SEMA4A: variants seen among roughly 807,000 people sequenced by gnomAD.
The protein encoded by SEMA4A is semaphorin-4A.
In SEMA4A, 52 loss-of-function variants were observed where a neutral mutation model predicts 72.5. The observed-to-expected ratio is 0.72, with a 90% CI of 0.57 to 0.90. The LOEUF (loss-of-function observed/expected upper bound fraction) is 0.90. Among genes scored for constraint, SEMA4A ranks in the 40% least tolerant of loss-of-function variants. The pLI, the probability that SEMA4A is intolerant of heterozygous loss-of-function variation, is 0.00. For missense variants in SEMA4A, 926 were observed against 959.7 expected (o/e 0.96, Z 0.46); for synonymous variants, 369 against 393.1 (o/e 0.94, Z 0.73).
At position 156,176,951 on chromosome 1, in the gene SEMA4A, G is replaced by A. The variant is rs767138686; in HGVS notation, c.2240G>A (p.Ser747Asn). The A allele has an allele frequency of 8.7e-6, 14 of 1,613,554 alleles. No homozygotes were observed. The East Asian group carries it at 2.9e-4, about 33-fold the overall frequency. The part of the protein sequence containing the change: ...QSPKECRTSA[S>N]DVDADNNCLG... ...CCCAAGGAATGCAGGACCTCTGCCAGTGATGTGGACGCTGACAACAACTGC... is the reference window on the plus strand; with the variant it reads ...CCCAAGGAATGCAGGACCTCTGCCAATGATGTGGACGCTGACAACAACTGC... Residue 747 changes from serine (S) to asparagine (N), a missense_variant, in exon 15 of 15, where the codon AGT (serine) becomes AAT (asparagine). Physicochemically the swap from Ser to Asn is conservative, Grantham distance 46 (BLOSUM62 1). Coordinates refer to ENST00000368285, the MANE Select transcript of SEMA4A (RefSeq NM_022367.4).
chr1:156,167,475 C>CA lies in SEMA4A; in HGVS notation c.1134+4401dup, dbSNP rs58793729. On this transcript the variant is annotated intron_variant, in intron 10 of 14. Transcript: ENST00000368285. ...TGGGCAACAGAGTGAGACCCTGTCT[C>CA]AAAAAAAAAAAAAAAAAAAAGAAAG... is the stretch of plus-strand genomic sequence containing the variant. Among the ~76,000 whole-genome samples the CA allele has an allele frequency of 7.2e-3, 741 of 103,430 alleles. 4 individuals are homozygous for CA. The highest frequency in any genetic ancestry group is 0.018 in the African/African-American group (501 of 28,168). 67.9% of individuals were successfully genotyped at this position (103,430 alleles called of 152,430 possible).
chr1:156,160,825 C>T, intron 7 of SEMA4A, 80 bp from the exon 8 acceptor site: 1 of 1,605,548 alleles, frequency 6.2e-7, no homozygotes, highest in Non-Finnish European at 8.5e-7. Context: ...GCCTCCAGGG[C>T]CAAACCAACG....
chr1:156,167,461 G>A (rs1455398827), intron 10 of SEMA4A, among the ~76,000 whole-genome samples: 1 of 130,174 alleles, frequency 7.7e-6, no homozygotes, highest in African/African-American at 3.0e-5. Flanking sequence ...GGGCAACAGA[G>A]TGAGACCCTG....
chr1:156,154,331 TA>T, intron 1 of SEMA4A: 1 of 578,462 alleles, frequency 1.7e-6, no homozygotes, highest in East Asian at 2.9e-5. Flanking sequence ...CCTGGGCTCC[TA>T]CCCATAGGGG....
In SEMA4A at chr1:156,176,888, A is replaced by G. The variant is rs1288476658; in HGVS notation, c.2177A>G (p.Glu726Gly). 4 of 1,614,082 alleles carry G rather than the reference A, an allele frequency of 2.5e-6. No individual in the cohort carries two copies. Among genetic ancestry groups the G allele is most frequent in the Non-Finnish European group, 3.4e-6 (4 of 1,180,024 alleles). ...GGCTGTGAGACCCTGCGCCCTGGGG[A>G]GAAGGCCCCGTTAAGCAGAGAGCAA... ...VQGCETLRPG[E>G]KAPLSREQHL... The change falls in exon 15 of 15, where the codon GAG becomes GGG. Residue 726 changes from glutamate (E) to glycine (G), a missense_variant. Transcript: ENST00000368285.
In SEMA4A at chr1:156,176,435, T is replaced by C. The variant is rs1655336861; in HGVS notation, c.1724T>C (p.Ile575Thr). ...GAAGTCCTGGCTGTCCCCAACTCCA[T>C]CCTGGAGCTCCCCTGCCCCCACCTG... ...IKEVLAVPNS[I>T]LELPCPHLSA... Residue 575 changes from isoleucine (I) to threonine (T), a missense_variant, in exon 15 of 15, where the codon ATC (isoleucine) becomes ACC (threonine). Transcript: ENST00000368285. The C allele has an allele frequency of 6.2e-7, 1 of 1,614,124 alleles. No homozygotes were observed. The highest frequency in any genetic ancestry group is 1.7e-5 in the Admixed American group (1 of 60,018).
chr1:156,156,550 A>T lies in SEMA4A; in HGVS notation c.276A>T (p.Pro92=). The change falls in exon 3 of 15, where the codon CCA becomes CCT. Residue 92 remains proline, a synonymous_variant. Transcript: ENST00000368285. ...EAILALDIQD[P]GVPRLKNMIP... is the part of the protein sequence containing the mutation. ...TTCTGGCCTTGGATATCCAGGATCC[A>T]GGGGTCCCCAGGCTAAAGAACATGG... 1 of 1,613,976 alleles carries T rather than the reference A, an allele frequency of 6.2e-7. No homozygotes were observed. The highest frequency in any genetic ancestry group is 8.5e-7 in the Non-Finnish European group (1 of 1,179,964).
intron 11 of SEMA4A, 34 bp downstream of exon 11, chr1:156,173,040 A>G (rs1333094870): frequency 1.2e-6 from 2 of 1,603,256 alleles, no homozygotes; most frequent in African/African-American, 2.7e-5. Flanking sequence ...CCCCCAGAGG[A>G]CTAGAGCAGA....
chr1:156,156,486 G>A lies in SEMA4A; in HGVS notation c.212G>A (p.Gly71Asp), dbSNP rs774922987. 9.3e-6 allele frequency: 15 copies of A among 1,613,976 alleles called. No individual in the cohort carries two copies. The highest frequency in any genetic ancestry group is 3.3e-5 in the Admixed American group (2 of 59,986). ...LQDFDTLLLS[G>D]DGNTLYVGAR... ...GATTTTGACACTCTGCTCCTGAGTG[G>A]TGATGGAAATACTCTCTACGTGGGG... is the stretch of plus-strand genomic sequence containing the variant. Residue 71 changes from glycine (G) to aspartate (D), a missense_variant, in exon 3 of 15, where the codon GGT becomes GAT. Gly to Asp is a moderately conservative substitution (Grantham distance 94). Transcript: ENST00000368285.
intron 10 of SEMA4A, among the ~76,000 whole-genome samples, chr1:156,170,412 A>C (rs1175070020): frequency 7.0e-6 from 1 of 143,292 alleles, no homozygotes; most frequent in Non-Finnish European, 1.5e-5. Context: ...GCGGTGAGCC[A>C]AGATTGTGCC....
chr1:156,163,386 T>C (rs1270460069), intron 10 of SEMA4A: 11 of 419,714 alleles, frequency 2.6e-5, no homozygotes, highest in African/African-American at 6.0e-5. Flanking sequence ...CCAAGGACTG[T>C]CTTGGGCATT....
At chr1:156,153,451 G>T (rs1382547140), upstream of SEMA4A, 2 of 152,234 alleles carry the variant, frequency 1.3e-5, no homozygotes, top group African/African-American at 4.8e-5. Flanking sequence ...AGCAGAGGAG[G>T]GAGAGAGAGG....
At position 156,158,098 on chromosome 1, in the gene SEMA4A, A is replaced by G. The variant is rs775189265; in HGVS notation, c.329A>G (p.Lys110Arg). 2 of 1,614,178 alleles carry G rather than the reference A, an allele frequency of 1.2e-6. No individual in the cohort carries two copies. Among genetic ancestry groups the G allele is most frequent in the Non-Finnish European group, 1.7e-6 (2 of 1,180,036 alleles). Residue 110 changes from lysine to arginine, a missense_variant, in exon 4 of 15, where the codon AAG (lysine) becomes AGG (arginine). Lys to Arg is a conservative substitution (Grantham distance 26, BLOSUM62 2). Transcript: ENST00000368285. ...MIPWPASDRK[K>R]SECAFKKKSN... is the part of the protein sequence containing the mutation. ...CCGTGGCCAGCCAGTGACAGAAAAA[A>G]GAGTGAATGTGCCTTTAAGAAGAAG...
intron 1 of SEMA4A, among the ~76,000 whole-genome samples, 187 bp downstream of exon 1, chr1:156,153,951 C>G (rs1157378162): frequency 6.6e-6 from 1 of 152,168 alleles, no homozygotes; most frequent in East Asian, 1.9e-4. Context: ...CCCTCATTGC[C>G]TCCCTGGAAG....
intron 6 of SEMA4A, among the ~76,000 whole-genome samples, chr1:156,159,310 C>T (rs147112855): frequency 0.018 from 2,752 of 151,780 alleles, 82 homozygotes; most frequent in African/African-American, 0.063. Flanking sequence ...CTCCAGCCTG[C>T]GCAACAAAGC....
At chr1:156,171,593 T>C (rs1279037128) in intron 10 of SEMA4A, among the ~76,000 whole-genome samples, 3 of 152,104 alleles carry the variant, frequency 2.0e-5, no homozygotes, top group African/African-American at 7.2e-5. Context: ...AATTTCTTTT[T>C]TGAGACACAG....
At chr1:156,159,269 G>C (rs1273986612) in intron 6 of SEMA4A, among the ~76,000 whole-genome samples, 2 of 152,140 alleles carry the variant, frequency 1.3e-5, no homozygotes, top group Non-Finnish European at 2.9e-5. Flanking sequence ...AGGAGGTGGA[G>C]GTTGCAGTGA....
rs1653053290 is a variant in SEMA4A, at chr1:156,156,563, C to T, written c.289C>T (p.Leu97=). ...TATCCAGGATCCAGGGGTCCCCAGG[C>T]TAAAGAACATGGTGAGGAGTCCAGG... is the stretch of plus-strand genomic sequence containing the variant. ...LDIQDPGVPR[L]KNMIPWPASD... The change falls in exon 3 of 15, where the codon CTA becomes TTA. Residue 97 remains leucine (L), a synonymous_variant. Coordinates refer to ENST00000368285, the MANE Select transcript of SEMA4A (RefSeq NM_022367.4). The T allele has an allele frequency of 6.8e-6, 11 of 1,613,890 alleles. No individual in the cohort carries two copies. The highest frequency in any genetic ancestry group is 8.5e-6 in the Non-Finnish European group (10 of 1,179,944).
chr1:156,175,790 A>G, intron 14 of SEMA4A, 134 bp downstream of exon 14: 1 of 718,748 alleles, frequency 1.4e-6, no homozygotes, highest in Non-Finnish European at 2.5e-6. Context: ...GTTGGGATGG[A>G]TTTGGGTCCT....
Sources: gnomAD v4.1 joint callset for allele counts (sites outside exome capture counted in the v4.1 genomes callset) on GRCh38, gnomAD v4.1.1 for gene constraint, MANE v1.5 for transcripts, NCBI Gene and HGNC (gene_info 2026-07-23, HGNC 2026-07-21) for gene names.